Variants in GALK2 observed in about 807,000 individuals in gnomAD.
GALK2 encodes N-acetylgalactosamine kinase.
In GALK2, 36 loss-of-function variants were observed where a neutral mutation model predicts 52.4. The observed-to-expected ratio is 0.69, with a 90% CI of 0.53 to 0.91. The LOEUF is 0.91. GALK2 is among the 40% of genes least tolerant of loss of function. The pLI, the probability that GALK2 is intolerant of heterozygous loss-of-function variation, is 0.00. For synonymous variants in GALK2, 176 were observed against 199.1 expected (o/e 0.88, Z 0.98); for missense variants, 579 against 559.1 (o/e 1.04, Z -0.36).
chr15:49,215,517 C>A (rs1177411350), intron 2 of GALK2, among the ~76,000 whole-genome samples: 1 of 150,716 alleles, frequency 6.6e-6, no homozygotes, highest in African/African-American at 2.5e-5. Flanking sequence ...TGTTGAGAGA[C>A]TCTGAGACAT....
At chr15:49,189,950 T>C (rs1212526512) in intron 1 of GALK2, among the ~76,000 whole-genome samples, 2 of 152,180 alleles carry the variant, frequency 1.3e-5, no homozygotes, top group Non-Finnish European at 2.9e-5. Flanking sequence ...GACTGCTATA[T>C]TTTTTCGTGT....
intron 1 of GALK2, 39 bp downstream of exon 1, chr15:49,170,414 G>T (rs1374923447): frequency 1.3e-6 from 2 of 1,559,020 alleles, no homozygotes; most frequent in East Asian, 2.4e-5. Flanking sequence ...GATCTGCTGG[G>T]TTGGCTACGT....
intron 1 of GALK2, among the ~76,000 whole-genome samples, chr15:49,187,409 C>T (rs1307481411): frequency 1.3e-5 from 2 of 152,198 alleles, no homozygotes; most frequent in Admixed American, 1.3e-4. Context: ...AGCACTGGGT[C>T]TTGCCTGAGG....
chr15:49,342,336 A>G (rs1437917770), intron 3 of GALK2, among the ~76,000 whole-genome samples: 2 of 152,108 alleles, frequency 1.3e-5, no homozygotes, highest in Non-Finnish European at 2.9e-5. Context: ...TATCTGGTAT[A>G]AGAATAGTGA....
intron 1 of GALK2, among the ~76,000 whole-genome samples, chr15:49,200,109 A>G (rs1422707461): frequency 6.6e-6 from 1 of 152,192 alleles, no homozygotes; most frequent in Non-Finnish European, 1.5e-5. Context: ...ATGTGGGACT[A>G]CAAATAATGA....
intron 2 of GALK2, among the ~76,000 whole-genome samples, chr15:49,204,902 T>C (rs2088138220): frequency 6.6e-6 from 1 of 152,174 alleles, no homozygotes; most frequent in East Asian, 1.9e-4. Context: ...TTCTTATGCT[T>C]TTGCATCCTC....
intron 9 of GALK2, among the ~76,000 whole-genome samples, chr15:49,323,131 T>C (rs1193723846): frequency 1.3e-5 from 2 of 152,064 alleles, no homozygotes; most frequent in Non-Finnish European, 2.9e-5. Flanking sequence ...AAGGTTCGAA[T>C]GAACAGTGGA....
chr15:49,312,831 G>T (rs1596071463), intron 8 of GALK2, among the ~76,000 whole-genome samples: 1 of 152,292 alleles, frequency 6.6e-6, no homozygotes, highest in East Asian at 1.9e-4. Flanking sequence ...AAGAGTAGAA[G>T]TTACAGGAAG....
intron 2 of GALK2, among the ~76,000 whole-genome samples, chr15:49,211,347 A>G (rs1445602363): frequency 6.6e-6 from 1 of 152,146 alleles, no homozygotes; most frequent in African/African-American, 2.4e-5. Context: ...TTCATTGTTC[A>G]TATTATTATC....
At chr15:49,177,297 T>G (rs536330537) in intron 1 of GALK2, among the ~76,000 whole-genome samples, 1 of 151,942 alleles carries the variant, frequency 6.6e-6, no homozygotes, top group East Asian at 1.9e-4. Context: ...TTATTTTCAT[T>G]ATTTATTTTC....
At chr15:49,310,258 A>G (rs989439513) in intron 8 of GALK2, among the ~76,000 whole-genome samples, 1 of 152,206 alleles carries the variant, frequency 6.6e-6, no homozygotes, top group Non-Finnish European at 1.5e-5. Context: ...TTATGTGTAC[A>G]TGCCACATTT....
chr15:49,204,316 A>G (rs1184914648), intron 2 of GALK2, among the ~76,000 whole-genome samples: 1 of 145,342 alleles, frequency 6.9e-6, no homozygotes. Context: ...TTGGCTCAGG[A>G]TTGCTTTGGT....
chr15:49,306,091 C>A (rs780140769), intron 8 of GALK2, among the ~76,000 whole-genome samples: 1 of 152,006 alleles, frequency 6.6e-6, no homozygotes, highest in Admixed American at 6.6e-5. Flanking sequence ...ATAGGAAGTT[C>A]GGAGAAGGGC....
At chr15:49,156,001 C>T (rs2084434237) in exon 1 of GALK2, 2 of 1,614,196 alleles carry the variant, frequency 1.2e-6, no homozygotes, top group South Asian at 1.1e-5. Flanking sequence ...GCTGACATGC[C>T]CGTCCTATAT....
At chr15:49,303,218 G>T (rs1235755465) in intron 8 of GALK2, among the ~76,000 whole-genome samples, 1 of 152,164 alleles carries the variant, frequency 6.6e-6, no homozygotes, top group Non-Finnish European at 1.5e-5. Flanking sequence ...TTTCAGATGT[G>T]TGCGTGATAT....
intron 3 of GALK2, among the ~76,000 whole-genome samples, chr15:49,356,153 C>A (rs968316437): frequency 2.6e-5 from 4 of 152,040 alleles, no homozygotes; most frequent in African/African-American, 9.7e-5. Flanking sequence ...AATGTAAAGA[C>A]CATCGAGACT....
intron 5 of GALK2, among the ~76,000 whole-genome samples, chr15:49,268,084 T>G (rs958128564): frequency 2.2e-4 from 33 of 152,322 alleles, no homozygotes; most frequent in African/African-American, 7.7e-4. Flanking sequence ...GTATATTCAT[T>G]TGTTCATTCA....
At chr15:49,314,086 C>T (rs1056257914) in intron 8 of GALK2, among the ~76,000 whole-genome samples, 20 of 152,194 alleles carry the variant, frequency 1.3e-4, no homozygotes, top group African/African-American at 4.8e-4. Flanking sequence ...CACCAGAGAT[C>T]CAATAAAATA....
chr15:49,349,516 CTATTACA>C (rs2041959793), intron 3 of GALK2, among the ~76,000 whole-genome samples: 1 of 152,074 alleles, frequency 6.6e-6, no homozygotes, highest in Admixed American at 6.6e-5. Flanking sequence ...TGCTTATTCT[CTATTACA>C]TAAGTTTTAA....
Sources: allele counts gnomAD v4.1 joint callset (sites outside exome capture counted in the v4.1 genomes callset), GRCh38; gene constraint gnomAD v4.1.1; transcripts MANE v1.5; gene names NCBI Gene and HGNC (gene_info 2026-07-23, HGNC 2026-07-21).